The following TOM1L2 variants were observed in gnomAD, a reference collection of about 807,000 sequenced individuals.
The protein encoded by TOM1L2 is TOM1-like protein 2.
A neutral mutation model predicts 67.9 loss-of-function variants in TOM1L2; 31 were observed. That is an observed-to-expected ratio of 0.46 (90% CI 0.34 to 0.62). The LOEUF (loss-of-function observed/expected upper bound fraction) is 0.62. Ranked by LOEUF, TOM1L2 falls within the 20% of genes least tolerant of loss-of-function variation. TOM1L2 has a pLI of 0.01. For missense variants in TOM1L2, 606 were observed against 663.5 expected (o/e 0.91, Z 0.95); for synonymous variants, 256 against 254.0 (o/e 1.01, Z -0.07).
intron 12 of TOM1L2, among the ~76,000 whole-genome samples, chr17:17,852,748 C>A (rs1268051957): frequency 6.6e-6 from 1 of 151,560 alleles, no homozygotes; most frequent in East Asian, 1.9e-4. Context: ...GCCTGTAGTC[C>A]CAGCTACTGG....
intron 1 of TOM1L2, among the ~76,000 whole-genome samples, chr17:17,920,382 C>A (rs541903620): frequency 1.4e-5 from 2 of 144,574 alleles, no homozygotes; most frequent in South Asian, 4.5e-4. Context: ...GCTCTGTTGC[C>A]CAGGCTGGAG....
chr17:17,902,453 C>T (rs955713681), intron 2 of TOM1L2, among the ~76,000 whole-genome samples: 4 of 152,244 alleles, frequency 2.6e-5, no homozygotes, highest in Non-Finnish European at 5.9e-5. Flanking sequence ...TGAGCCTGTG[C>T]TTGCATCCTG....
intron 10 of TOM1L2, among the ~76,000 whole-genome samples, chr17:17,864,115 T>C (rs1327183695): frequency 6.6e-6 from 1 of 152,192 alleles, no homozygotes. Context: ...GCAATCCGCC[T>C]GCCTTGGCTT....
intron 7 of TOM1L2, chr17:17,872,041 G>A (rs1598228960): frequency 1.0e-6 from 1 of 985,464 alleles, no homozygotes; most frequent in Non-Finnish European, 1.2e-6. Context: ...GGGCCTTGGG[G>A]CCTGCCAGAC....
At chr17:17,949,310 G>A (rs555432358) in intron 1 of TOM1L2, among the ~76,000 whole-genome samples, 5 of 152,258 alleles carry the variant, frequency 3.3e-5, no homozygotes, top group African/African-American at 9.6e-5. Flanking sequence ...CATCTAGCAC[G>A]GCAGAGCATA....
At chr17:17,960,501 T>G (rs1350250249) in intron 1 of TOM1L2, among the ~76,000 whole-genome samples, 1 of 152,176 alleles carries the variant, frequency 6.6e-6, no homozygotes, top group East Asian at 1.9e-4. Flanking sequence ...CATGCCCAGC[T>G]AATTTTTGTA....
At chr17:17,945,290 A>ACACTCT (rs1157214910) in intron 1 of TOM1L2, among the ~76,000 whole-genome samples, 1 of 146,398 alleles carries the variant, frequency 6.8e-6, no homozygotes, top group Non-Finnish European at 1.5e-5. Context: ...ACACACACAC[A>ACACTCT]CTCTCTCTCT....
At chr17:17,925,994 G>C (rs553155612) in intron 1 of TOM1L2, among the ~76,000 whole-genome samples, 2 of 151,900 alleles carry the variant, frequency 1.3e-5, no homozygotes, top group East Asian at 3.9e-4. Context: ...AACACAGCAA[G>C]ACCTTGTCTC....
At chr17:17,918,161 T>C (rs1438424026) in intron 1 of TOM1L2, among the ~76,000 whole-genome samples, 1 of 152,210 alleles carries the variant, frequency 6.6e-6, no homozygotes, top group Non-Finnish European at 1.5e-5. Context: ...ATTGTTAATG[T>C]ATATTAACAG....
intron 14 of TOM1L2, among the ~76,000 whole-genome samples, chr17:17,848,616 C>A (rs918162662): frequency 6.6e-6 from 1 of 152,252 alleles, no homozygotes; most frequent in Non-Finnish European, 1.5e-5. Context: ...TTCTTTCTGA[C>A]CTGTTTCCCA....
At chr17:17,956,079 A>G (rs73301900) in intron 1 of TOM1L2, among the ~76,000 whole-genome samples, 5,063 of 152,332 alleles carry the variant, frequency 0.033, 289 homozygotes, top group African/African-American at 0.11. Context: ...TGTTTCAAAG[A>G]GCAAAAGAAC....
chr17:17,924,618 G>T (rs1418847719), intron 1 of TOM1L2, among the ~76,000 whole-genome samples: 2 of 152,140 alleles, frequency 1.3e-5, no homozygotes, highest in African/African-American at 4.8e-5. Context: ...TACAAAATTA[G>T]CCAGGCATGG....
chr17:17,880,208 T>C (rs954226627), intron 6 of TOM1L2, among the ~76,000 whole-genome samples: 2 of 152,104 alleles, frequency 1.3e-5, no homozygotes, highest in Admixed American at 1.3e-4. Context: ...TCCTAGGAGT[T>C]TTACATCTAA....
chr17:17,907,435 G>A lies in TOM1L2; in HGVS notation c.137+12C>T, dbSNP rs1370700627. The A allele has an allele frequency of 1.2e-6, 2 of 1,613,332 alleles. No homozygotes were observed. Among genetic ancestry groups the A allele is most frequent in the South Asian group, 1.1e-5 (1 of 91,010 alleles). ...CTCAGAGAGGCTTCCCAGGAGAGGG[G>A]GGCACACGTACCCTTCCTCCGTCTC... On this transcript the variant is annotated intron_variant, in intron 2 of 14. Transcript: ENST00000379504.
intron 4 of TOM1L2, among the ~76,000 whole-genome samples, chr17:17,888,726 G>A (rs1241398844): frequency 6.6e-6 from 1 of 152,264 alleles, no homozygotes; most frequent in African/African-American, 2.4e-5. Flanking sequence ...GAGGGGGGCT[G>A]GAGAGGCATG....
chr17:17,955,342 T>TG (rs1161200443), intron 1 of TOM1L2, among the ~76,000 whole-genome samples: 2 of 145,590 alleles, frequency 1.4e-5, no homozygotes, highest in African/African-American at 2.6e-5. Flanking sequence ...TTTTTTTTTT[T>TG]TTTTTTTTGT....
intron 4 of TOM1L2, among the ~76,000 whole-genome samples, chr17:17,890,385 G>T (rs903085711): frequency 6.6e-6 from 1 of 152,096 alleles, no homozygotes; most frequent in African/African-American, 2.4e-5. Flanking sequence ...GACCAACAAA[G>T]ATGGCACTTT....
chr17:17,961,243 A>T (rs2041664498), intron 1 of TOM1L2, among the ~76,000 whole-genome samples: 1 of 152,022 alleles, frequency 6.6e-6, no homozygotes, highest in South Asian at 2.1e-4. Flanking sequence ...ATTCATACCC[A>T]TTAGGATGGC....
At chr17:17,907,354 A>G in intron 2 of TOM1L2, 93 bp downstream of exon 2, 1 of 1,181,184 alleles carries the variant, frequency 8.5e-7, no homozygotes, top group Non-Finnish European at 1.2e-6. Flanking sequence ...GGAACAAAAC[A>G]AAAAATAAAA....
Sources: gnomAD v4.1 joint callset for allele counts (sites outside exome capture counted in the v4.1 genomes callset) on GRCh38, gnomAD v4.1.1 for gene constraint, MANE v1.5 for transcripts, NCBI Gene and HGNC (gene_info 2026-07-23, HGNC 2026-07-21) for gene names.